The following NIM1K variants were observed in gnomAD, a reference collection of about 807,000 sequenced individuals.
The protein encoded by NIM1K is NIM1 serine/threonine protein kinase.
Under a neutral mutation model 37.1 loss-of-function variants are expected in NIM1K, and 35 were observed. The observed-to-expected ratio is 0.94, with a 90% CI of 0.72 to 1.25. The LOEUF (loss-of-function observed/expected upper bound fraction) is 1.25. NIM1K is among the 50% of genes most tolerant of loss of function. The probability of loss-of-function intolerance (pLI) is 0.00; values close to 1 mark genes in which losing one functional copy is unlikely to be tolerated. For missense variants in NIM1K, 564 were observed against 548.0 expected (o/e 1.03, Z -0.29); for synonymous variants, 234 against 206.6 (o/e 1.13, Z -1.14).
chr5:43,262,249 T>C (rs1753042896), intron 2 of NIM1K, among the ~76,000 whole-genome samples: 1 of 152,258 alleles, frequency 6.6e-6, no homozygotes, highest in Non-Finnish European at 1.5e-5. Context: ...GAGCATGGAA[T>C]GTTCTTCCAT....
chr5:43,194,269 G>C (rs555135266), intron 1 of NIM1K, among the ~76,000 whole-genome samples: 2 of 152,292 alleles, frequency 1.3e-5, no homozygotes, highest in African/African-American at 4.8e-5. Context: ...GGATTCCTGC[G>C]AGAGGCTAGT....
intron 1 of NIM1K, chr5:43,206,856 T>C (rs1328021363): frequency 3.9e-6 from 3 of 768,086 alleles, no homozygotes; most frequent in East Asian, 2.5e-5. Flanking sequence ...TTTAGCAACA[T>C]GCACAAACAA....
intron 1 of NIM1K, among the ~76,000 whole-genome samples, chr5:43,205,912 C>T (rs1007191156): frequency 4.6e-5 from 7 of 152,182 alleles, no homozygotes; most frequent in Admixed American, 1.3e-4. Flanking sequence ...CGGGGTTTTA[C>T]TGTGTTAGCC....
chr5:43,223,152 A>C (rs956753466), intron 1 of NIM1K, among the ~76,000 whole-genome samples: 5 of 151,954 alleles, frequency 3.3e-5, no homozygotes, highest in Non-Finnish European at 7.4e-5. Context: ...AAAAAAAAAA[A>C]AAAAAAAAGT....
At chr5:43,232,716 C>T (rs550354752) in intron 1 of NIM1K, 60 of 1,382,498 alleles carry the variant, frequency 4.3e-5, no homozygotes, top group South Asian at 2.7e-4. Context: ...GTTCCATGAG[C>T]GGGGAGGTGA....
At position 43,198,197 on chromosome 5, in the gene NIM1K, TTCTTTCTTTCTCTTTCTTTCTTTCTTTC is replaced by T. The variant is rs1389733596; in HGVS notation, c.-695+5788_-695+5815del. Among the ~76,000 whole-genome samples the T allele has an allele frequency of 1.3e-3, 75 of 57,050 alleles. 2 individuals are homozygous for T. The South Asian group carries it at 0.025, about 19-fold the overall frequency. The allele number at this position is 57,050 out of a possible 152,430, so 37.4% of individuals were successfully genotyped here. A position where few individuals can be genotyped will look rare whatever the true frequency, so the allele number is the denominator to read the frequency against. On this transcript the variant is annotated intron_variant, in intron 1 of 3. Transcript: ENST00000326035. ...TTTCTTTCTTTCTTTCTTTCTTTCT[TTCTTTCTTTCTCTTTCTTTCTTTCTTTC>T]TTTCTTTCTTTCTTTCTTTCTTTTC...
chr5:43,213,971 TTCTC>T (rs1357554711), intron 1 of NIM1K, among the ~76,000 whole-genome samples: 1 of 149,966 alleles, frequency 6.7e-6, no homozygotes, highest in African/African-American at 2.4e-5. Flanking sequence ...TCCTTCCTTC[TTCTC>T]TTTCTTTCTT....
intron 1 of NIM1K, among the ~76,000 whole-genome samples, chr5:43,198,939 A>C (rs1178567299): frequency 6.6e-6 from 1 of 152,054 alleles, no homozygotes; most frequent in Non-Finnish European, 1.5e-5. Context: ...CTGTAATCCC[A>C]GCACTTTAGG....
intron 3 of NIM1K, among the ~76,000 whole-genome samples, chr5:43,279,773 A>G (rs1289276309): frequency 6.6e-6 from 1 of 152,202 alleles, no homozygotes; most frequent in Non-Finnish European, 1.5e-5. Context: ...CCCTTACCAC[A>G]TAGAATAGGA....
chr5:43,253,215 T>TATAATATA, intron 2 of NIM1K, among the ~76,000 whole-genome samples: 1 of 20,716 alleles, frequency 4.8e-5, no homozygotes, highest in African/African-American at 1.1e-4. Context: ...ATAATATATG[T>TATAATATA]GTGTGTGTGT....
chr5:43,253,216 G>GAATATAATATATAATATAA lies in NIM1K; in HGVS notation c.292+7149_292+7150insAATATAATATATAATATAA, dbSNP rs763670217. On this transcript the variant is annotated intron_variant, in intron 2 of 3. Transcript: ENST00000326035. The stretch of plus-strand genomic sequence containing the variant: ...ATATAATATATAATATAATATATGT[G>GAATATAATATATAATATAA]TGTGTGTGTGTGTGTGTGTGTGTGT... 1.3e-3 allele frequency among the ~76,000 whole-genome samples: 83 copies of GAATATAATATATAATATAA among 63,312 alleles called. No homozygotes were observed. The East Asian group carries it at 0.02, about 15-fold the overall frequency. The allele number at this position is 63,312 out of a possible 152,430, so 41.5% of individuals were successfully genotyped here. A position where few individuals can be genotyped will look rare whatever the true frequency, so the allele number is the denominator to read the frequency against.
intron 1 of NIM1K, among the ~76,000 whole-genome samples, chr5:43,209,442 G>C (rs1392237888): frequency 1.3e-5 from 2 of 151,822 alleles, no homozygotes; most frequent in African/African-American, 4.8e-5. Context: ...CACTGGAAAG[G>C]GTTTTGCTTT....
chr5:43,207,626 ACACAGGGG>A, intron 1 of NIM1K: 5 of 629,478 alleles, frequency 7.9e-6, no homozygotes, highest in Non-Finnish European at 1.5e-5. Context: ...GAAATACTTT[ACACAGGGG>A]AACTGTGTCA....
Position 43,280,221 on chromosome 5 carries a change from C to T in NIM1K, c.803C>T (p.Thr268Ile), listed in dbSNP as rs1435282333. ...GVLLYFMVTG[T>I]MPFRAETVAK... Reference sequence around the variant, plus strand: ...CTTTTGTACTTCATGGTGACTGGCACCATGCCATTTCGGGCAGAAACCGTG... The same window carrying T: ...CTTTTGTACTTCATGGTGACTGGCATCATGCCATTTCGGGCAGAAACCGTG... The change falls in exon 4 of 4, where the codon ACC (threonine) becomes ATC (isoleucine). Residue 268 changes from threonine to isoleucine, a missense_variant. Coordinates refer to ENST00000326035, the MANE Select transcript of NIM1K (RefSeq NM_153361.4). 2 of 1,614,164 alleles carry T rather than the reference C, an allele frequency of 1.2e-6. No homozygotes were observed. Among genetic ancestry groups the T allele is most frequent in the East Asian group, 4.5e-5 (2 of 44,874 alleles).
intron 1 of NIM1K, chr5:43,207,246 A>G: frequency 1.3e-6 from 1 of 758,046 alleles, no homozygotes; most frequent in Admixed American, 1.7e-5. Flanking sequence ...GGAAGTGGCA[A>G]AGATTACACT....
intron 1 of NIM1K, among the ~76,000 whole-genome samples, chr5:43,203,915 A>G (rs1752070076): frequency 6.6e-6 from 1 of 151,454 alleles, no homozygotes; most frequent in African/African-American, 2.4e-5. Flanking sequence ...AATCCCAGCT[A>G]CTCGGGAGGC....
rs772081869 is a variant in NIM1K, at chr5:43,277,355, C to T, written c.561+30C>T. On this transcript the variant is annotated intron_variant, in intron 3 of 3. Coordinates refer to ENST00000326035, the MANE Select transcript of NIM1K (RefSeq NM_153361.4). ...GCAGGGGTGACGAGTGAGAACCTTG[C>T]TCCCATTGCACTGACACTGGGAGCA... The T allele has an allele frequency of 4.4e-6, 7 of 1,600,888 alleles. No individual in the cohort carries two copies. In the African/African-American group the frequency reaches 9.4e-5, roughly 21 times the overall value.
At chr5:43,197,899 T>A (rs188250936) in intron 1 of NIM1K, among the ~76,000 whole-genome samples, 1 of 152,186 alleles carries the variant, frequency 6.6e-6, no homozygotes, top group Non-Finnish European at 1.5e-5. Flanking sequence ...TTCCTGGGGG[T>A]AACTTGTACA....
intron 2 of NIM1K, among the ~76,000 whole-genome samples, chr5:43,253,197 T>TATATA (rs1276138552): frequency 8.4e-6 from 1 of 119,058 alleles, no homozygotes; most frequent in African/African-American, 3.1e-5. Context: ...TATAATATAA[T>TATATA]ATATAATATA....
Sources: gnomAD v4.1 joint callset for allele counts (sites outside exome capture counted in the v4.1 genomes callset) on GRCh38, gnomAD v4.1.1 for gene constraint, MANE v1.5 for transcripts, NCBI Gene and HGNC (gene_info 2026-07-23, HGNC 2026-07-21) for gene names.